PDE1A: variants seen among roughly 807,000 people sequenced by gnomAD.
The protein encoded by PDE1A is phosphodiesterase 1A.
PDE1A carries 35 observed loss-of-function variants against 61.7 expected under a neutral mutation model. The ratio of observed to expected loss-of-function variants is 0.57; its 90% CI spans 0.43 to 0.75. The LOEUF (loss-of-function observed/expected upper bound fraction) is 0.75, where lower values mean the gene tolerates loss of function less well. Ranked by LOEUF, PDE1A falls within the 30% of genes least tolerant of loss-of-function variation. The pLI, the probability that PDE1A is intolerant of heterozygous loss-of-function variation, is 0.00. For synonymous variants in PDE1A, 232 were observed against 213.2 expected, an observed-to-expected ratio of 1.09 and a Z score of -0.77; for missense variants, 597 against 630.6, an observed-to-expected ratio of 0.95 and a Z score of 0.57.
the PDE1A span, among the ~76,000 whole-genome samples, chr2:182,652,250 T>C: frequency 1.3e-5 from 2 of 152,186 alleles, no homozygotes; most frequent in East Asian, 1.9e-4. Context: ...TGACTATAAG[T>C]GTTTTAAATA....
chr2:182,639,918 A>G, the PDE1A span, among the ~76,000 whole-genome samples: 2 of 150,218 alleles, frequency 1.3e-5, no homozygotes, highest in African/African-American at 4.9e-5. Context: ...TAATAAAAGG[A>G]CACATTATTC....
At chr2:182,430,134 CA>C (rs1703857380), upstream of PDE1A, among the ~76,000 whole-genome samples, 1 of 151,898 alleles carries the variant, frequency 6.6e-6, no homozygotes, top group South Asian at 2.1e-4. Context: ...AGAGCTTCTG[CA>C]CAGCAAAAGA....
the PDE1A span, among the ~76,000 whole-genome samples, chr2:182,712,847 C>T: frequency 2.0e-5 from 3 of 152,258 alleles, no homozygotes; most frequent in South Asian, 4.1e-4. Flanking sequence ...TGAGCCACCG[C>T]GCCTGGCTCA....
At chr2:182,407,656 C>T (rs1702376451) in intron 1 of PDE1A, among the ~76,000 whole-genome samples, 1 of 152,158 alleles carries the variant, frequency 6.6e-6, no homozygotes, top group South Asian at 2.1e-4. Flanking sequence ...GCTGGGATTA[C>T]AGATGTGAGC....
At chr2:182,440,050 C>T (rs10197136) in intron 2 of PDE1A, among the ~76,000 whole-genome samples, 109,404 of 151,914 alleles carry the variant, frequency 0.72, 39,693 homozygotes, top group East Asian at 0.96. Flanking sequence ...TTATGGTATA[C>T]GTAGAAAGGG....
At chr2:182,224,584 C>A (rs1387884164) in intron 6 of PDE1A, among the ~76,000 whole-genome samples, 1 of 151,706 alleles carries the variant, frequency 6.6e-6, no homozygotes, top group African/African-American at 2.4e-5. Context: ...GCTTTACATA[C>A]ATTCATCTTT....
intron 1 of PDE1A, among the ~76,000 whole-genome samples, chr2:182,291,382 C>T (rs969758906): frequency 2.0e-5 from 3 of 152,154 alleles, no homozygotes; most frequent in Admixed American, 1.3e-4. Flanking sequence ...TTGTGAGATC[C>T]TTCATGACCT....
At chr2:182,148,326 G>C (rs546637537) in intron 13 of PDE1A, among the ~76,000 whole-genome samples, 1 of 152,260 alleles carries the variant, frequency 6.6e-6, no homozygotes, top group African/African-American at 2.4e-5. Flanking sequence ...TTTCTTGCTT[G>C]CTCTCCCTCC....
chr2:182,141,233 C>T (rs1032649546), exon 15 of PDE1A: 2 of 152,060 alleles, frequency 1.3e-5, no homozygotes, highest in African/African-American at 2.4e-5. Flanking sequence ...AGTAATTAGA[C>T]TCCCCAGATA....
chr2:182,444,848 T>C (rs1685030839), intron 2 of PDE1A, among the ~76,000 whole-genome samples: 2 of 152,180 alleles, frequency 1.3e-5, no homozygotes, highest in African/African-American at 4.8e-5. Context: ...AGTACTCTTA[T>C]TCTTCTTTTT....
At chr2:182,639,031 T>A in the PDE1A span, among the ~76,000 whole-genome samples, 16 of 152,172 alleles carry the variant, frequency 1.1e-4, no homozygotes, top group Non-Finnish European at 2.4e-4. Flanking sequence ...CTGACAGTGC[T>A]GATACAAAAT....
chr2:182,236,418 G>A (rs1274741149), intron 3 of PDE1A, among the ~76,000 whole-genome samples: 3 of 151,362 alleles, frequency 2.0e-5, no homozygotes, highest in African/African-American at 4.9e-5. Context: ...AAATGGAGGT[G>A]CAGGGGAAAT....
the PDE1A span, among the ~76,000 whole-genome samples, chr2:182,709,775 C>T: frequency 6.6e-6 from 1 of 152,194 alleles, no homozygotes; most frequent in Non-Finnish European, 1.5e-5. Flanking sequence ...CTTGGTTTCC[C>T]AAGCAAGTGG....
chr2:182,314,623 A>G (rs1226886948), intron 1 of PDE1A: 1 of 152,200 alleles, frequency 6.6e-6, no homozygotes, highest in African/African-American at 2.4e-5. Context: ...AAAATTCTAG[A>G]AAATGGAAAT....
At chr2:182,319,900 A>G (rs1445815911) in intron 1 of PDE1A, among the ~76,000 whole-genome samples, 1 of 152,228 alleles carries the variant, frequency 6.6e-6, no homozygotes, top group Non-Finnish European at 1.5e-5. Flanking sequence ...TTCTAAGACT[A>G]TGATAAATCA....
At chr2:182,340,904 T>C (rs566853570) in intron 1 of PDE1A, among the ~76,000 whole-genome samples, 1 of 152,192 alleles carries the variant, frequency 6.6e-6, no homozygotes, top group African/African-American at 2.4e-5. Flanking sequence ...TTCTCATTTG[T>C]AAAATGGAGA....
intron 1 of PDE1A, among the ~76,000 whole-genome samples, chr2:182,411,779 C>T (rs1003494170): frequency 6.6e-6 from 1 of 151,954 alleles, no homozygotes; most frequent in Admixed American, 6.6e-5. Flanking sequence ...TTACAATGAA[C>T]AAAATGGCCC....
chr2:182,483,459 CACA>C (rs2125852710), intron 2 of PDE1A, among the ~76,000 whole-genome samples: 1 of 151,718 alleles, frequency 6.6e-6, no homozygotes, highest in African/African-American at 2.4e-5. Context: ...AGGTATTGTC[CACA>C]ACCACAACAA....
the PDE1A span, among the ~76,000 whole-genome samples, chr2:182,563,938 C>T: frequency 2.0e-5 from 3 of 152,128 alleles, no homozygotes; most frequent in Non-Finnish European, 4.4e-5. Flanking sequence ...TATTTTGAGC[C>T]TGTGTGTGTC....
Sources: gnomAD v4.1 joint callset for allele counts (sites outside exome capture counted in the v4.1 genomes callset) on GRCh38, gnomAD v4.1.1 for gene constraint, MANE v1.5 for transcripts, NCBI Gene and HGNC (gene_info 2026-07-23, HGNC 2026-07-21) for gene names.